Variants in LRRC4C observed in about 807,000 individuals in gnomAD.
LRRC4C encodes the protein leucine-rich repeat-containing protein 4C.
LRRC4C carries 5 observed loss-of-function variants against 33.6 expected under a neutral mutation model. That is an observed-to-expected ratio of 0.15 (90% CI 0.08 to 0.31). The LOEUF (loss-of-function observed/expected upper bound fraction) is 0.31, where lower values mean the gene tolerates loss of function less well. Among genes scored for constraint, LRRC4C ranks in the 10% least tolerant of loss-of-function variants. LRRC4C has a pLI of 1.00. For missense variants in LRRC4C, 560 were observed against 796.7 expected, an observed-to-expected ratio of 0.70 and a Z score of 3.58; for synonymous variants, 329 against 302.0, an observed-to-expected ratio of 1.09 and a Z score of -0.93.
chr11:40,560,461 TG>T, intron 3 of LRRC4C, among the ~76,000 whole-genome samples: 1 of 152,100 alleles, frequency 6.6e-6, no homozygotes, highest in South Asian at 2.1e-4. Context: ...TGTGTGTGTG[TG>T]TGTGTGTTAT....
At chr11:40,840,091 T>C (rs1485392170) in intron 2 of LRRC4C, among the ~76,000 whole-genome samples, 2 of 152,192 alleles carry the variant, frequency 1.3e-5, no homozygotes, top group East Asian at 3.8e-4. Context: ...CTAAGAGATA[T>C]GTACTTGTGT....
chr11:40,462,981 G>A (rs931926713), intron 3 of LRRC4C, among the ~76,000 whole-genome samples: 3 of 123,426 alleles, frequency 2.4e-5, no homozygotes, highest in Admixed American at 8.2e-5. Context: ...CAGATCATCC[G>A]TAATATGAAG....
At chr11:40,185,254 C>G (rs555019664) in intron 5 of LRRC4C, among the ~76,000 whole-genome samples, 70 of 152,262 alleles carry the variant, frequency 4.6e-4, no homozygotes, top group African/African-American at 1.5e-3. Flanking sequence ...ACCCTTTTCT[C>G]AAGCAAGCAT....
intron 1 of LRRC4C, among the ~76,000 whole-genome samples, chr11:41,010,243 A>G (rs57338842): frequency 0.13 from 19,482 of 152,154 alleles, 1,364 homozygotes; most frequent in Non-Finnish European, 0.16. Context: ...TAGGAAATTA[A>G]CACAATTCCA....
chr11:41,185,074 T>C (rs1359245005), intron 1 of LRRC4C, among the ~76,000 whole-genome samples: 1 of 152,048 alleles, frequency 6.6e-6, no homozygotes, highest in African/African-American at 2.4e-5. Flanking sequence ...ACTGGGTCCT[T>C]CCCATGACAC....
rs1854239651 is a variant in LRRC4C, at chr11:40,999,789, T to C, written c.-495-66066A>G. 9.2e-5 allele frequency among the ~76,000 whole-genome samples: 14 copies of C among 152,260 alleles called. No individual in the cohort carries two copies. The South Asian group carries it at 2.9e-3, about 32-fold the overall frequency. ...TTACTTAGGTAAGCCTAAAGTTTTT[T>C]GGAAGCACAAAATAAGGAATACCCG... On this transcript the variant is annotated intron_variant, in intron 1 of 6. Coordinates refer to ENST00000528697, the MANE Select transcript of LRRC4C (RefSeq NM_001258419.2).
intron 1 of LRRC4C, among the ~76,000 whole-genome samples, chr11:41,432,403 G>C (rs1204510156): frequency 6.6e-6 from 1 of 152,162 alleles, no homozygotes; most frequent in African/African-American, 2.4e-5. Context: ...AATGAGAGTA[G>C]AAGCTGACAA....
At chr11:41,088,068 A>T (rs182694847) in intron 1 of LRRC4C, among the ~76,000 whole-genome samples, 403 of 152,248 alleles carry the variant, frequency 2.6e-3, no homozygotes, top group Admixed American at 7.4e-3. Context: ...ATGGCTTGCA[A>T]AATCATTGGA....
At chr11:40,928,882 T>C (rs111823205) in intron 2 of LRRC4C, among the ~76,000 whole-genome samples, 1 of 152,176 alleles carries the variant, frequency 6.6e-6, no homozygotes, top group African/African-American at 2.4e-5. Context: ...TCATAATAAG[T>C]GTGCAATTTC....
chr11:40,789,998 G>A (rs934458202), intron 2 of LRRC4C, among the ~76,000 whole-genome samples: 7 of 152,160 alleles, frequency 4.6e-5, no homozygotes, highest in African/African-American at 1.7e-4. Flanking sequence ...AGTTTTTTGA[G>A]ATAGAGAAGA....
intron 2 of LRRC4C, among the ~76,000 whole-genome samples, chr11:40,897,924 A>T (rs1372467581): frequency 6.6e-6 from 1 of 152,226 alleles, no homozygotes; most frequent in Non-Finnish European, 1.5e-5. Context: ...GTGCATGCCC[A>T]GGAAGAATAT....
chr11:40,861,916 C>A (rs976228462), intron 2 of LRRC4C, among the ~76,000 whole-genome samples: 2 of 152,118 alleles, frequency 1.3e-5, no homozygotes, highest in African/African-American at 4.8e-5. Context: ...TGGGGAGGAG[C>A]CAAGCCATTC....
At chr11:41,351,222 GACACACACACACAT>G (rs1416364404) in intron 1 of LRRC4C, among the ~76,000 whole-genome samples, 8 of 140,190 alleles carry the variant, frequency 5.7e-5, no homozygotes, top group African/African-American at 2.1e-4. Flanking sequence ...GGGTGAGTGA[GACACACACACACAT>G]ACACACACAC....
intron 3 of LRRC4C, among the ~76,000 whole-genome samples, chr11:40,342,437 C>A (rs1275672532): frequency 6.6e-6 from 1 of 152,226 alleles, no homozygotes. Flanking sequence ...CCACTGCACT[C>A]CAGCCTGGCG....
chr11:41,354,111 C>T (rs1054581285), intron 1 of LRRC4C, among the ~76,000 whole-genome samples: 4 of 152,208 alleles, frequency 2.6e-5, no homozygotes, highest in Non-Finnish European at 4.4e-5. Flanking sequence ...CGATATAATT[C>T]TATACCTAGA....
chr11:40,353,396 C>A (rs1947506909), intron 3 of LRRC4C, among the ~76,000 whole-genome samples: 1 of 152,070 alleles, frequency 6.6e-6, no homozygotes, highest in African/African-American at 2.4e-5. Flanking sequence ...TATAATTTTT[C>A]AGGTCCAGAA....
intron 1 of LRRC4C, among the ~76,000 whole-genome samples, chr11:41,135,529 A>G (rs1303648356): frequency 6.6e-6 from 1 of 152,208 alleles, no homozygotes; most frequent in African/African-American, 2.4e-5. Context: ...CTTTCTAGGA[A>G]GTTATTTCAA....
intron 1 of LRRC4C, among the ~76,000 whole-genome samples, chr11:41,038,925 C>T (rs1369575266): frequency 2.6e-5 from 4 of 152,132 alleles, no homozygotes; most frequent in Non-Finnish European, 5.9e-5. Context: ...TGTACAGAAG[C>T]TTTAGTTTAA....
At chr11:40,218,861 C>A (rs1864198438) in intron 5 of LRRC4C, among the ~76,000 whole-genome samples, 1 of 152,008 alleles carries the variant, frequency 6.6e-6, no homozygotes, top group African/African-American at 2.4e-5. Context: ...CTGTTGCATC[C>A]ACACTGGCCT....
Sources: allele counts gnomAD v4.1 joint callset (sites outside exome capture counted in the v4.1 genomes callset), GRCh38; gene constraint gnomAD v4.1.1; transcripts MANE v1.5; gene names NCBI Gene and HGNC (gene_info 2026-07-23, HGNC 2026-07-21).